Variants in COL8A1 observed in about 807,000 individuals in gnomAD.
COL8A1 encodes collagen alpha-1(VIII) chain.
Under a neutral mutation model 42.7 loss-of-function variants are expected in COL8A1, and 21 were observed. The ratio of observed to expected loss-of-function variants is 0.49; its 90% CI spans 0.35 to 0.71. COL8A1 has a LOEUF of 0.71. COL8A1 is among the 30% of genes least tolerant of loss of function. The pLI, the probability that COL8A1 is intolerant of heterozygous loss-of-function variation, is 0.01. For synonymous variants in COL8A1, 367 were observed against 369.1 expected (o/e 0.99, Z 0.06); for missense variants, 788 against 962.4 (o/e 0.82, Z 2.40).
At chr3:99,691,386 T>C (rs1939214341) in intron 1 of COL8A1, 1 of 152,072 alleles carries the variant, frequency 6.6e-6, no homozygotes, top group Non-Finnish European at 1.5e-5. Context: ...GGTAAATCAC[T>C]TTGCTTTTCT....
rs1415313817 is a variant in COL8A1 at position 99,795,046 on chromosome 3, C to T, written c.1145C>T (p.Ala382Val). The change falls in exon 4 of 4, where the codon GCC becomes GTC. Residue 382 changes from alanine (A) to valine (V), a missense_variant. By Grantham distance (64) the Ala-to-Val change is moderately conservative. This residue lies in a region of COL8A1 where 421 missense variants were observed against 553.1 expected (regional missense o/e 0.76). Coordinates refer to ENST00000652472, the MANE Select transcript of COL8A1 (RefSeq NM_020351.4). ...GPRGEKGPIGAPGIGGPPGEP... is the reference protein window; with the variant it reads ...GPRGEKGPIGVPGIGGPPGEP... ...AGAGGGGAGAAAGGACCAATAGGTG[C>T]CCCAGGAATAGGGGGTCCTCCAGGA... 1.2e-6 allele frequency: 2 copies of T among 1,608,526 alleles called. No homozygotes were observed. Among genetic ancestry groups the T allele is most frequent in the Admixed American group, 1.7e-5 (1 of 59,170 alleles).
At chr3:99,725,536 G>A (rs894009579) in intron 1 of COL8A1, among the ~76,000 whole-genome samples, 3 of 148,880 alleles carry the variant, frequency 2.0e-5, no homozygotes, top group Non-Finnish European at 4.5e-5. Flanking sequence ...TTTAGCATTA[G>A]GTATATCGCC....
intron 1 of COL8A1, among the ~76,000 whole-genome samples, chr3:99,740,605 C>A (rs1036362294): frequency 6.6e-6 from 1 of 152,128 alleles, no homozygotes; most frequent in African/African-American, 2.4e-5. Flanking sequence ...AGGGTAACCG[C>A]CCCCATGATT....
rs775941656 is a variant in COL8A1, at chr3:99,795,672, G to C, written c.1771G>C (p.Gly591Arg). The C allele has an allele frequency of 5.0e-6, 8 of 1,613,946 alleles. No individual in the cohort carries two copies. In the South Asian group the frequency reaches 7.7e-5, roughly 16 times the overall value. ...QGEYLPDMGL[G>R]IDGVKPPHAY... is the part of the protein sequence containing the mutation. Reference sequence around the variant, plus strand: ...AGAGTATCTGCCAGATATGGGGCTGGGAATTGATGGCGTGAAACCCCCCCA... The same window carrying C: ...AGAGTATCTGCCAGATATGGGGCTGCGAATTGATGGCGTGAAACCCCCCCA... The change falls in exon 4 of 4, where the codon GGA (glycine) becomes CGA (arginine). Residue 591 changes from glycine (G) to arginine (R), a missense_variant. Physicochemically the swap from Gly to Arg is moderately radical, Grantham distance 125 (BLOSUM62 -2). Coordinates refer to ENST00000652472, the MANE Select transcript of COL8A1 (RefSeq NM_020351.4).
At chr3:99,648,109 A>G (rs1246636247) in intron 1 of COL8A1, among the ~76,000 whole-genome samples, 1 of 152,202 alleles carries the variant, frequency 6.6e-6, no homozygotes, top group African/African-American at 2.4e-5. Context: ...TAGTCCCGTT[A>G]TCTATATTCC....
rs758528915 is a variant in COL8A1, at chr3:99,796,706, T to C, written c.*570T>C. On this transcript the variant is annotated 3_prime_UTR_variant, in exon 4 of 4. Coordinates refer to ENST00000652472, the MANE Select transcript of COL8A1 (RefSeq NM_020351.4). ...GCTTTAGTCAAAGGGATATCTCTCTTGTATCAGAGGCTGTGTCTTTTAGTA... is the reference window on the plus strand; with the variant it reads ...GCTTTAGTCAAAGGGATATCTCTCTCGTATCAGAGGCTGTGTCTTTTAGTA... 1 of 152,222 alleles carries C rather than the reference T, an allele frequency of 6.6e-6. No individual in the cohort carries two copies. The highest frequency in any genetic ancestry group is 1.5e-5 in the Non-Finnish European group (1 of 68,060). The allele number at this position is 152,222 out of a possible 1,614,324, so 9.4% of individuals were successfully genotyped here.
intron 2 of COL8A1, among the ~76,000 whole-genome samples, chr3:99,767,922 C>T (rs151234582): frequency 1.2e-4 from 18 of 152,232 alleles, no homozygotes; most frequent in African/African-American, 2.6e-4. Flanking sequence ...GGGCCTGGAA[C>T]GAGAATATTG....
chr3:99,796,010 T>G lies in COL8A1; in HGVS notation c.2109T>G (p.Ser703Arg). 1 of 1,613,850 alleles carries G rather than the reference T, an allele frequency of 6.2e-7. No homozygotes were observed. The highest frequency in any genetic ancestry group is 8.5e-7 in the Non-Finnish European group (1 of 1,179,962). The change falls in exon 4 of 4, where the codon AGT becomes AGG. Residue 703 changes from serine to arginine, a missense_variant. Physicochemically the swap from Ser to Arg is moderately radical, Grantham distance 110. Transcript: ENST00000652472. ...GCTTCCTGGACCAGGCATCTGGGAGTGCAGTGCTGCTGCTCAGGCCCGGAG... is the reference window on the plus strand; with the variant it reads ...GCTTCCTGGACCAGGCATCTGGGAGGGCAGTGCTGCTGCTCAGGCCCGGAG... ...KKGFLDQASGSAVLLLRPGDR... is the reference protein window; with the variant it reads ...KKGFLDQASGRAVLLLRPGDR...
At chr3:99,644,845 A>T (rs1437526129) in intron 1 of COL8A1, among the ~76,000 whole-genome samples, 1 of 152,194 alleles carries the variant, frequency 6.6e-6, no homozygotes, top group African/African-American at 2.4e-5. Flanking sequence ...TTCTCTAGGA[A>T]ATAACATGTA....
intron 1 of COL8A1, among the ~76,000 whole-genome samples, chr3:99,725,737 C>A (rs1178369523): frequency 6.6e-6 from 1 of 151,940 alleles, no homozygotes; most frequent in Non-Finnish European, 1.5e-5. Flanking sequence ...CTACAAAGGA[C>A]ATGAACTCAT....
At chr3:99,788,836 G>A (rs371003871) in intron 2 of COL8A1, among the ~76,000 whole-genome samples, 2 of 152,102 alleles carry the variant, frequency 1.3e-5, no homozygotes, top group Non-Finnish European at 2.9e-5. Flanking sequence ...AAAAATATGA[G>A]GAAAAATTGT....
chr3:99,641,171 C>G (rs1200190180), intron 1 of COL8A1, among the ~76,000 whole-genome samples: 1 of 151,972 alleles, frequency 6.6e-6, no homozygotes, highest in South Asian at 2.1e-4. Flanking sequence ...TGAAAAGGGA[C>G]TTGAAAGAGA....
chr3:99,721,497 C>T (rs1940154892), intron 1 of COL8A1, among the ~76,000 whole-genome samples: 1 of 151,190 alleles, frequency 6.6e-6, no homozygotes, highest in African/African-American at 2.4e-5. Flanking sequence ...CCTGGATGGT[C>T]AGGGCTGAGA....
intron 1 of COL8A1, among the ~76,000 whole-genome samples, chr3:99,665,236 T>G (rs1938328194): frequency 6.6e-6 from 1 of 152,236 alleles, no homozygotes; most frequent in African/African-American, 2.4e-5. Flanking sequence ...AGCCTCTCAC[T>G]TGGCTTTGAG....
intron 1 of COL8A1, among the ~76,000 whole-genome samples, chr3:99,695,812 C>A (rs1055319167): frequency 6.6e-6 from 1 of 152,146 alleles, no homozygotes; most frequent in Non-Finnish European, 1.5e-5. Flanking sequence ...AAGCCTGGCA[C>A]ATAAGAATCA....
At chr3:99,712,382 G>A (rs186212552) in intron 1 of COL8A1, among the ~76,000 whole-genome samples, 42 of 152,164 alleles carry the variant, frequency 2.8e-4, no homozygotes, top group African/African-American at 9.4e-4. Context: ...GGGGAAAACC[G>A]CTTGGCAAGG....
At position 99,657,151 on chromosome 3, in the gene COL8A1, C is replaced by T. The variant is rs536083680; in HGVS notation, c.-129+18487C>T. Among the ~76,000 whole-genome samples the T allele has an allele frequency of 2.0e-5, 3 of 152,316 alleles. No individual in the cohort carries two copies. The East Asian group carries it at 5.8e-4, about 29-fold the overall frequency. On this transcript the variant is annotated intron_variant, in intron 1 of 3. Coordinates refer to ENST00000652472, the MANE Select transcript of COL8A1 (RefSeq NM_020351.4). ...ATGGGAGGAAAAGATCTATATGCTT[C>T]AGAAAGCCAAAGATGTACTGAGAAT...
intron 1 of COL8A1, among the ~76,000 whole-genome samples, chr3:99,674,257 C>T (rs1194448757): frequency 2.0e-5 from 3 of 151,848 alleles, no homozygotes; most frequent in African/African-American, 4.8e-5. Flanking sequence ...GCTTTGTGGC[C>T]AGAGTGTGCC....
chr3:99,792,642 C>T (rs1308606357), intron 3 of COL8A1, among the ~76,000 whole-genome samples: 1 of 152,182 alleles, frequency 6.6e-6, no homozygotes, highest in Non-Finnish European at 1.5e-5. Context: ...ATGCTGACAG[C>T]TTAAGGGACC....
Sources: gnomAD v4.1 joint callset for allele counts (sites outside exome capture counted in the v4.1 genomes callset) on GRCh38, gnomAD v4.1.1 for gene constraint, gnomAD v4.1.1 regional missense constraint, MANE v1.5 for transcripts, NCBI Gene and HGNC (gene_info 2026-07-23, HGNC 2026-07-21) for gene names.